Variants in XYLT1 observed in about 807,000 individuals in gnomAD.
XYLT1 encodes xylosyltransferase 1, also known as beta-D-xylosyltransferase 1.
A neutral mutation model predicts 91.3 loss-of-function variants in XYLT1; 36 were observed. The ratio of observed to expected loss-of-function variants is 0.39; its 90% CI spans 0.30 to 0.52. The LOEUF (loss-of-function observed/expected upper bound fraction) is 0.52, where lower values mean the gene tolerates loss of function less well. Ranked by LOEUF, XYLT1 falls within the 20% of genes least tolerant of loss-of-function variation. XYLT1 has a pLI of 0.68. For missense variants in XYLT1, 1,242 were observed against 1,284.5 expected, an observed-to-expected ratio of 0.97 and a Z score of 0.51; for synonymous variants, 588 against 532.0, an observed-to-expected ratio of 1.11 and a Z score of -1.45.
At chr16:17,381,408 T>C (rs377476808) in intron 1 of XYLT1, among the ~76,000 whole-genome samples, 1 of 145,750 alleles carries the variant, frequency 6.9e-6, no homozygotes, top group Non-Finnish European at 1.5e-5. Flanking sequence ...AAAGAACAAA[T>C]AAAAGGCAAC....
intron 2 of XYLT1, among the ~76,000 whole-genome samples, chr16:17,291,560 T>C (rs1308869626): frequency 1.3e-5 from 2 of 152,162 alleles, no homozygotes; most frequent in Non-Finnish European, 2.9e-5. Flanking sequence ...TCCCAGCCTC[T>C]GTCTGTTCTA....
chr16:17,416,831 A>G lies in XYLT1; in HGVS notation c.363+53603T>C, dbSNP rs149337746. 2.5e-3 allele frequency among the ~76,000 whole-genome samples: 377 copies of G among 152,310 alleles called. 2 individuals are homozygous for G. Among genetic ancestry groups the G allele is most frequent in the Non-Finnish European group, 4.1e-3 (281 of 68,012 alleles). On this transcript the variant is annotated intron_variant, in intron 1 of 11. Transcript: ENST00000261381. Reference sequence around the variant, plus strand: ...GTGAGAGTGAGCATGTGCATTAACTATCGGAGATGTGGGGGAGAGGAGGAA... The same window carrying G: ...GTGAGAGTGAGCATGTGCATTAACTGTCGGAGATGTGGGGGAGAGGAGGAA...
At chr16:17,363,822 C>T (rs2035413401) in intron 1 of XYLT1, among the ~76,000 whole-genome samples, 1 of 152,090 alleles carries the variant, frequency 6.6e-6, no homozygotes, top group Admixed American at 6.5e-5. Context: ...GGGATTACAG[C>T]TGTGCACCAT....
chr16:17,310,330 C>T lies in XYLT1; in HGVS notation c.402+47682G>A, dbSNP rs371288996. Among the ~76,000 whole-genome samples, 30 of 152,238 alleles carry T rather than the reference C, an allele frequency of 2.0e-4. No individual in the cohort carries two copies. The South Asian group carries it at 2.9e-3, about 15-fold the overall frequency. The stretch of plus-strand genomic sequence containing the variant: ...CCTTTCAGCTTAAATGTCACTTCCC[C>T]GGGGAAAGGCTCCTGTTCCCTTTGG... On this transcript the variant is annotated intron_variant, in intron 2 of 11. Transcript: ENST00000261381.
chr16:17,343,429 C>T (rs1004712637), intron 2 of XYLT1, among the ~76,000 whole-genome samples: 1 of 152,144 alleles, frequency 6.6e-6, no homozygotes, highest in Non-Finnish European at 1.5e-5. Context: ...GCCCTACATC[C>T]TTTTGTGCCT....
At chr16:17,322,888 C>T (rs1395557978) in intron 2 of XYLT1, among the ~76,000 whole-genome samples, 1 of 152,200 alleles carries the variant, frequency 6.6e-6, no homozygotes, top group East Asian at 1.9e-4. Context: ...GCTGTATCTC[C>T]AGGCCCCTGG....
intron 2 of XYLT1, among the ~76,000 whole-genome samples, chr16:17,298,891 C>T (rs2034354433): frequency 6.6e-6 from 1 of 152,162 alleles, no homozygotes; most frequent in Admixed American, 6.5e-5. Flanking sequence ...CATAGGCATT[C>T]CCCATTCCTC....
chr16:17,347,282 G>T (rs558527894), intron 2 of XYLT1, among the ~76,000 whole-genome samples: 1 of 152,150 alleles, frequency 6.6e-6, no homozygotes, highest in East Asian at 1.9e-4. Context: ...GGGGGCTACC[G>T]GAAGGAGCTG....
chr16:17,246,730 C>T (rs747937712), intron 3 of XYLT1, among the ~76,000 whole-genome samples: 5 of 152,202 alleles, frequency 3.3e-5, no homozygotes, highest in South Asian at 2.1e-4. Flanking sequence ...TGTGGGTTCT[C>T]GTGTCCTAGC....
At chr16:17,112,043 T>C (rs1403643441) in intron 11 of XYLT1, among the ~76,000 whole-genome samples, 1 of 152,066 alleles carries the variant, frequency 6.6e-6, no homozygotes, top group Non-Finnish European at 1.5e-5. Flanking sequence ...ATACCGAAAC[T>C]GACAAAAGGC....
At chr16:17,186,313 G>C (rs1442838697) in intron 5 of XYLT1, among the ~76,000 whole-genome samples, 1 of 152,046 alleles carries the variant, frequency 6.6e-6, no homozygotes, top group Non-Finnish European at 1.5e-5. Context: ...ATGTTGGTCA[G>C]GCTGGTCTCA....
chr16:17,189,492 G>T (rs1265400950), intron 5 of XYLT1, among the ~76,000 whole-genome samples: 1 of 152,142 alleles, frequency 6.6e-6, no homozygotes, highest in African/African-American at 2.4e-5. Context: ...ACCAGATGAG[G>T]TCCTCAATTC....
intron 5 of XYLT1, among the ~76,000 whole-genome samples, chr16:17,161,785 A>G (rs9930922): frequency 0.89 from 134,415 of 151,662 alleles, 59,649 homozygotes; most frequent in Admixed American, 0.92. Context: ...TATCTATCTC[A>G]TCATCAATTT....
chr16:17,438,819 G>A (rs1005659637), intron 1 of XYLT1, among the ~76,000 whole-genome samples: 1 of 151,972 alleles, frequency 6.6e-6, no homozygotes, highest in African/African-American at 2.4e-5. Flanking sequence ...GAACAGTAAG[G>A]GGAAAGTCCG....
chr16:17,239,334 C>CCATA (rs1223920181), intron 3 of XYLT1, among the ~76,000 whole-genome samples: 1 of 141,684 alleles, frequency 7.1e-6, no homozygotes, highest in Non-Finnish European at 1.6e-5. Flanking sequence ...ATCCATCCAT[C>CCATA]ATCCATCCAT....
At chr16:17,292,920 G>A (rs2034253211) in intron 2 of XYLT1, among the ~76,000 whole-genome samples, 1 of 152,144 alleles carries the variant, frequency 6.6e-6, no homozygotes, top group Non-Finnish European at 1.5e-5. Flanking sequence ...GCCACAGTGG[G>A]CAGGGTCACT....
chr16:17,388,611 A>G (rs1225313678), intron 1 of XYLT1, among the ~76,000 whole-genome samples: 1 of 152,204 alleles, frequency 6.6e-6, no homozygotes, highest in African/African-American at 2.4e-5. Flanking sequence ...GAGAAACATC[A>G]TTGGAAAGGA....
intron 2 of XYLT1, among the ~76,000 whole-genome samples, chr16:17,285,570 C>A (rs2034122020): frequency 6.6e-6 from 1 of 152,210 alleles, no homozygotes; most frequent in East Asian, 1.9e-4. Flanking sequence ...AGCATTTAGG[C>A]CTGGCTGCAA....
At chr16:17,426,634 C>A (rs1001075156) in intron 1 of XYLT1, among the ~76,000 whole-genome samples, 3 of 152,152 alleles carry the variant, frequency 2.0e-5, no homozygotes, top group African/African-American at 7.2e-5. Context: ...TCCAGTCTAC[C>A]ACCTGTTTCT....
Sources: allele counts gnomAD v4.1 joint callset (sites outside exome capture counted in the v4.1 genomes callset), GRCh38; gene constraint gnomAD v4.1.1; transcripts MANE v1.5; gene names NCBI Gene and HGNC (gene_info 2026-07-23, HGNC 2026-07-21).